ZMIZ1: variants seen among roughly 807,000 people sequenced by gnomAD.
The protein encoded by ZMIZ1 is zinc finger MIZ-type containing 1, also known as zinc finger MIZ domain-containing protein 1.
A neutral mutation model predicts 113.9 loss-of-function variants in ZMIZ1; 17 were observed. The ratio of observed to expected loss-of-function variants is 0.15; its 90% CI spans 0.10 to 0.22. ZMIZ1 has a LOEUF of 0.22. ZMIZ1 is among the 10% of genes least tolerant of loss of function. The pLI, the probability that ZMIZ1 is intolerant of heterozygous loss-of-function variation, is 1.00. For synonymous variants in ZMIZ1, 607 were observed against 603.1 expected (o/e 1.01, Z -0.09); for missense variants, 1,059 against 1,477.8 (o/e 0.72, Z 4.65).
chr10:79,088,523 G>A (rs1842886635), intron 1 of ZMIZ1, among the ~76,000 whole-genome samples: 1 of 152,200 alleles, frequency 6.6e-6, no homozygotes, highest in East Asian at 1.9e-4. Context: ...ACAGCATTTT[G>A]TCGAGCCGGG....
At chr10:79,095,284 A>G (rs909502331) in intron 1 of ZMIZ1, among the ~76,000 whole-genome samples, 5 of 152,258 alleles carry the variant, frequency 3.3e-5, no homozygotes, top group African/African-American at 4.8e-5. Context: ...TCTATAACAT[A>G]CATTTCAAGG....
chr10:79,112,802 T>C (rs1331084044), intron 1 of ZMIZ1, among the ~76,000 whole-genome samples: 1 of 152,232 alleles, frequency 6.6e-6, no homozygotes, highest in African/African-American at 2.4e-5. Flanking sequence ...AGGGTTCCTT[T>C]ATATCTTTCA....
At chr10:79,145,344 T>A (rs377171988) in intron 3 of ZMIZ1, among the ~76,000 whole-genome samples, 2 of 151,760 alleles carry the variant, frequency 1.3e-5, no homozygotes, top group African/African-American at 2.4e-5. Flanking sequence ...CATTCCGGAG[T>A]GCCTGCGAGG....
rs535956639 is a variant in ZMIZ1 at position 79,147,119 on chromosome 10, G to A, written c.-131+7342G>A. Reference sequence around the variant, plus strand: ...AAGGGCCACATTGGTGTGGGTGGTGGCAGCGAGGATCGCCATGGGCATCAG... The same window carrying A: ...AAGGGCCACATTGGTGTGGGTGGTGACAGCGAGGATCGCCATGGGCATCAG... On this transcript the variant is annotated intron_variant, in intron 3 of 24. Coordinates refer to ENST00000334512, the MANE Select transcript of ZMIZ1 (RefSeq NM_020338.4). 2.6e-5 allele frequency among the ~76,000 whole-genome samples: 4 copies of A among 152,302 alleles called. No homozygotes were observed. The South Asian group carries it at 8.3e-4, about 32-fold the overall frequency.
In ZMIZ1 at chr10:79,216,173, T is replaced by G; in HGVS notation, c.179T>G (p.Val60Gly). ...EQSLMGCLTVVSRVAAQQGFD... is the reference protein window; with the variant it reads ...EQSLMGCLTVGSRVAAQQGFD... ...CTCCTCCCCTCTTGCTTTCAGGTGG[T>G]CAGTCGGGTGGCAGCCCAGCAAGGC... Residue 60 changes from valine (V) to glycine (G), a missense_variant, in exon 7 of 25, where the codon GTC becomes GGC. Around this residue, in one of 6 missense-constraint regions of ZMIZ1, gnomAD observed 272 missense variants for 350.4 expected, o/e 0.78. Coordinates refer to ENST00000334512, the MANE Select transcript of ZMIZ1 (RefSeq NM_020338.4). 6.7e-7 allele frequency: 1 copy of G among 1,487,940 alleles called. No individual in the cohort carries two copies. The highest frequency in any genetic ancestry group is 9.0e-7 in the Non-Finnish European group (1 of 1,111,120). The allele number at this position is 1,487,940 out of a possible 1,614,324, so 92.2% of individuals were successfully genotyped here. A position where few individuals can be genotyped will look rare whatever the true frequency, so the allele number is the denominator to read the frequency against.
intron 17 of ZMIZ1, 82 bp from the exon 18 acceptor site, chr10:79,302,022 GAGC>G: frequency 7.3e-7 from 1 of 1,374,384 alleles, no homozygotes; most frequent in African/African-American, 1.4e-5. Context: ...GGGATCCTGG[GAGC>G]AGTCTAGGGC....
intron 7 of ZMIZ1, among the ~76,000 whole-genome samples, chr10:79,244,787 G>A (rs2132852501): frequency 6.6e-6 from 1 of 152,312 alleles, no homozygotes. Context: ...GCTGAGGAGT[G>A]AGTTGGGGTG....
At chr10:79,213,638 G>T (rs1848608490) in intron 6 of ZMIZ1, among the ~76,000 whole-genome samples, 2 of 152,192 alleles carry the variant, frequency 1.3e-5, no homozygotes, top group African/African-American at 4.8e-5. Flanking sequence ...GCCAAACATG[G>T]GGACTTTTGC....
chr10:79,099,351 A>G (rs1843277063), intron 1 of ZMIZ1, among the ~76,000 whole-genome samples: 1 of 152,042 alleles, frequency 6.6e-6, no homozygotes, highest in Non-Finnish European at 1.5e-5. Context: ...GCCCTTCCCC[A>G]GGCTGCCTTT....
intron 7 of ZMIZ1, among the ~76,000 whole-genome samples, chr10:79,219,573 C>A (rs1158058418): frequency 6.6e-6 from 1 of 152,194 alleles, no homozygotes; most frequent in African/African-American, 2.4e-5. Context: ...CAGGGGTCTC[C>A]AGCAAGGCCT....
At chr10:79,154,777 G>A (rs1047012951) in intron 3 of ZMIZ1, among the ~76,000 whole-genome samples, 2 of 152,192 alleles carry the variant, frequency 1.3e-5, no homozygotes, top group Admixed American at 1.3e-4. Context: ...GGGGGTCTAT[G>A]AAGCCTCTCC....
intron 1 of ZMIZ1, among the ~76,000 whole-genome samples, chr10:79,072,331 A>G (rs1198616945): frequency 1.3e-5 from 2 of 152,170 alleles, no homozygotes; most frequent in African/African-American, 2.4e-5. Context: ...CCTGGCCCCC[A>G]TAGATATGCC....
At chr10:79,146,686 G>A (rs941712760) in intron 3 of ZMIZ1, among the ~76,000 whole-genome samples, 4 of 152,220 alleles carry the variant, frequency 2.6e-5, no homozygotes, top group East Asian at 1.9e-4. Context: ...TGGGGAGGGC[G>A]GAAGGAAAAC....
chr10:79,279,244 A>G (rs1852533274), intron 8 of ZMIZ1, among the ~76,000 whole-genome samples: 1 of 151,306 alleles, frequency 6.6e-6, no homozygotes, highest in Admixed American at 6.6e-5. Context: ...CTCACTTCTC[A>G]GACTGGGCGG....
At chr10:79,213,613 G>A (rs1239608693) in intron 6 of ZMIZ1, among the ~76,000 whole-genome samples, 1 of 152,178 alleles carries the variant, frequency 6.6e-6, no homozygotes, top group African/African-American at 2.4e-5. Flanking sequence ...AGAGCAACAG[G>A]ATTAGCCAGT....
chr10:79,112,160 G>A (rs1288534813), intron 1 of ZMIZ1, among the ~76,000 whole-genome samples: 1 of 152,192 alleles, frequency 6.6e-6, no homozygotes, highest in African/African-American at 2.4e-5. Context: ...TGGCAGTGGG[G>A]AGTCAGGGCT....
At chr10:79,298,847 A>T (rs1854096552) in intron 15 of ZMIZ1, among the ~76,000 whole-genome samples, 1 of 152,176 alleles carries the variant, frequency 6.6e-6, no homozygotes, top group African/African-American at 2.4e-5. Context: ...AGAAGAGGGG[A>T]TGAGTCGCTG....
At chr10:79,253,185 C>T (rs1004109507) in intron 7 of ZMIZ1, among the ~76,000 whole-genome samples, 6 of 152,204 alleles carry the variant, frequency 3.9e-5, no homozygotes, top group African/African-American at 1.2e-4. Flanking sequence ...TAAGACAGAA[C>T]ATTTGCAAAT....
chr10:79,305,317 C>A, intron 20 of ZMIZ1, 86 bp downstream of exon 20: 1 of 1,497,606 alleles, frequency 6.7e-7, no homozygotes, highest in Non-Finnish European at 9.3e-7. Context: ...TCCACCTGCC[C>A]TAAATGCAAA....
Sources: gnomAD v4.1 joint callset for allele counts (sites outside exome capture counted in the v4.1 genomes callset) on GRCh38, gnomAD v4.1.1 for gene constraint, gnomAD v4.1.1 regional missense constraint, MANE v1.5 for transcripts, NCBI Gene and HGNC (gene_info 2026-07-23, HGNC 2026-07-21) for gene names.